CD82: variants seen among roughly 807,000 people sequenced by gnomAD.
CD82 encodes the protein CD82 molecule.
Under a neutral mutation model 37.4 loss-of-function variants are expected in CD82, and 36 were observed. That is an observed-to-expected ratio of 0.96 (90% confidence interval 0.74 to 1.27). CD82 has a LOEUF of 1.27. Ranked by LOEUF, CD82 falls within the 50% of genes most tolerant of loss-of-function variation. CD82 has a pLI of 0.00. For synonymous variants in CD82, 158 were observed against 137.4 expected (o/e 1.15, Z -1.05); for missense variants, 340 against 347.0 (o/e 0.98, Z 0.16).
At chr11:44,583,026 C>A (rs1376942419) in intron 1 of CD82, among the ~76,000 whole-genome samples, 1 of 152,214 alleles carries the variant, frequency 6.6e-6, no homozygotes, top group Non-Finnish European at 1.5e-5. Flanking sequence ...GGTAGGGGTT[C>A]ATTTTCTTCT....
At chr11:44,567,816 G>GA (rs954431064) in intron 1 of CD82, among the ~76,000 whole-genome samples, 2 of 152,038 alleles carry the variant, frequency 1.3e-5, no homozygotes, top group African/African-American at 4.8e-5. Flanking sequence ...GAAGATAAAT[G>GA]AAAAAAGGAT....
chr11:44,598,602 G>T (rs540381059), intron 3 of CD82, among the ~76,000 whole-genome samples: 1 of 151,838 alleles, frequency 6.6e-6, no homozygotes, highest in Admixed American at 6.6e-5. Context: ...TGCAGACGGG[G>T]TTTTGCCATG....
intron 6 of CD82, among the ~76,000 whole-genome samples, chr11:44,612,501 A>G (rs537712691): frequency 1.4e-3 from 206 of 150,490 alleles, no homozygotes; most frequent in African/African-American, 4.7e-3. Flanking sequence ...TACTGACAGG[A>G]AAGCTTTGTA....
chr11:44,613,167 C>A (rs897508801), intron 6 of CD82, among the ~76,000 whole-genome samples: 1 of 152,216 alleles, frequency 6.6e-6, no homozygotes, highest in Non-Finnish European at 1.5e-5. Context: ...AGGTGTGTGG[C>A]CTTCTCCTTG....
intron 4 of CD82, chr11:44,604,844 G>A: frequency 1.6e-6 from 1 of 618,014 alleles, no homozygotes; most frequent in East Asian, 2.8e-5. Context: ...GCTTAGGCTG[G>A]ATGAGGGTGT....
At chr11:44,564,895 A>G (rs1852705104), upstream of CD82, among the ~76,000 whole-genome samples, 1 of 152,216 alleles carries the variant, frequency 6.6e-6, no homozygotes, top group South Asian at 2.1e-4. Flanking sequence ...GCATTAGTAA[A>G]ATAGGCGCAA....
At chr11:44,577,512 G>A (rs1852914425) in intron 1 of CD82, among the ~76,000 whole-genome samples, 1 of 151,938 alleles carries the variant, frequency 6.6e-6, no homozygotes, top group African/African-American at 2.4e-5. Context: ...CCTGTGGCTG[G>A]TGTGGGTCCA....
chr11:44,593,031 G>A (rs776143988), intron 2 of CD82, among the ~76,000 whole-genome samples: 18 of 152,182 alleles, frequency 1.2e-4, no homozygotes, highest in Non-Finnish European at 2.1e-4. Flanking sequence ...TAACAAAGCT[G>A]TTAGAGGAAA....
intron 2 of CD82, among the ~76,000 whole-genome samples, chr11:44,593,121 G>A (rs935326550): frequency 6.6e-6 from 1 of 152,230 alleles, no homozygotes; most frequent in Non-Finnish European, 1.5e-5. Flanking sequence ...TGTGTGAAGT[G>A]GAAGCTGAGC....
intron 7 of CD82, among the ~76,000 whole-genome samples, chr11:44,615,942 G>A (rs1392303236): frequency 2.0e-5 from 3 of 152,196 alleles, no homozygotes; most frequent in Admixed American, 6.5e-5. Context: ...ATGGACGGAC[G>A]GACTGACCGA....
rs146712078 is a variant in CD82 at position 44,604,529 on chromosome 11, GTTA to G, written c.137-524_137-522del. 2.9e-3 allele frequency: 493 copies of G among 167,332 alleles called. 4 individuals are homozygous for G. In the East Asian group the frequency reaches 0.042, roughly 14 times the overall value. 10.4% of individuals were successfully genotyped at this position (167,332 alleles called of 1,614,324 possible). The stretch of plus-strand genomic sequence containing the variant: ...GAGTGGGCAAGAAAGGCTGGTGTTT[GTTA>G]TTATATGGACAAGAAGGAAGGCGGG... On this transcript the variant is annotated intron_variant, in intron 4 of 9. Coordinates refer to ENST00000227155, the MANE Select transcript of CD82 (RefSeq NM_002231.4).
At chr11:44,566,463 A>C (rs1219304135) in intron 1 of CD82, 2 of 152,040 alleles carry the variant, frequency 1.3e-5, no homozygotes, top group Non-Finnish European at 2.9e-5. Flanking sequence ...CTTGAAGCAT[A>C]CCCGGGGTTA....
At chr11:44,612,249 T>C (rs1390580840) in intron 6 of CD82, among the ~76,000 whole-genome samples, 1 of 152,238 alleles carries the variant, frequency 6.6e-6, no homozygotes, top group Non-Finnish European at 1.5e-5. Flanking sequence ...GGTTCTGAAA[T>C]CAGCCAAGCC....
chr11:44,617,848 G>A (rs187178500), intron 7 of CD82, among the ~76,000 whole-genome samples: 28 of 152,280 alleles, frequency 1.8e-4, no homozygotes, highest in Middle Eastern at 3.4e-3. Flanking sequence ...GCTGGTAGGC[G>A]GCAGGGCTGG....
chr11:44,568,033 C>T (rs959522810), intron 1 of CD82, among the ~76,000 whole-genome samples: 38 of 152,140 alleles, frequency 2.5e-4, no homozygotes, highest in African/African-American at 8.7e-4. Context: ...GATCAGCTTA[C>T]GGAGGGCCTT....
intron 1 of CD82, among the ~76,000 whole-genome samples, chr11:44,571,576 T>G (rs1438348006): frequency 6.6e-6 from 1 of 152,138 alleles, no homozygotes; most frequent in Admixed American, 6.5e-5. Flanking sequence ...GTTTTATTTT[T>G]ATTTTTATTT....
chr11:44,613,214 C>T (rs1280748351), intron 6 of CD82, among the ~76,000 whole-genome samples: 1 of 152,208 alleles, frequency 6.6e-6, no homozygotes, highest in Non-Finnish European at 1.5e-5. Flanking sequence ...CCCCCACTGC[C>T]TTGACCAGTC....
At chr11:44,616,868 C>T (rs1231309927) in intron 7 of CD82, among the ~76,000 whole-genome samples, 2 of 152,198 alleles carry the variant, frequency 1.3e-5, no homozygotes, top group African/African-American at 2.4e-5. Context: ...GGAGACCTGC[C>T]TCATTTTGCT....
chr11:44,597,069 G>A lies in CD82; in HGVS notation c.63+2344G>A. The A allele has an allele frequency of 2.2e-6, 1 of 454,322 alleles. No homozygotes were observed. Among genetic ancestry groups the A allele is most frequent in the East Asian group, 7.0e-5 (1 of 14,362 alleles). 28.1% of individuals were successfully genotyped at this position (454,322 alleles called of 1,614,324 possible). On this transcript the variant is annotated intron_variant, in intron 3 of 9. Transcript: ENST00000227155. This position sits in a 1 kb window ranked among gnomAD's most constrained non-coding sequence, Gnocchi z 4.1. ...GGCAGAGTGCACCTCCCCAGGCATA[G>A]ACCCGGCCAGCCTGCCTCTTTGTTT...
Sources: gnomAD v4.1 joint callset for allele counts (sites outside exome capture counted in the v4.1 genomes callset) on GRCh38, gnomAD v4.1.1 for gene constraint, Gnocchi (gnomAD v3.1) non-coding constraint, MANE v1.5 for transcripts, NCBI Gene and HGNC (gene_info 2026-07-23, HGNC 2026-07-21) for gene names.